Variants in KIFC3 observed in about 807,000 individuals in gnomAD.
KIFC3 encodes the protein kinesin-like protein KIFC3.
KIFC3 carries 60 observed loss-of-function variants against 101.8 expected under a neutral mutation model. That is an observed-to-expected ratio of 0.59 (90% CI 0.48 to 0.73). The LOEUF is 0.73. Among genes scored for constraint, KIFC3 ranks in the 30% least tolerant of loss-of-function variants. KIFC3 has a pLI of 0.00. For synonymous variants in KIFC3, 476 were observed against 482.7 expected, an observed-to-expected ratio of 0.99 and a Z score of 0.18; for missense variants, 966 against 1,137.1, an observed-to-expected ratio of 0.85 and a Z score of 2.16.
At chr16:57,775,179 A>G (rs2051881276) in intron 3 of KIFC3, 1 of 1,331,476 alleles carries the variant, frequency 7.5e-7, no homozygotes, top group Non-Finnish European at 9.6e-7. Flanking sequence ...AGGGGCACCC[A>G]AAAGGAAGTG....
intron 9 of KIFC3, among the ~76,000 whole-genome samples, chr16:57,768,273 G>T (rs1273413226): frequency 6.6e-6 from 1 of 152,142 alleles, no homozygotes; most frequent in African/African-American, 2.4e-5. Flanking sequence ...TTGAACCCGG[G>T]AGGTGGGGGT....
intron 1 of KIFC3, among the ~76,000 whole-genome samples, chr16:57,822,240 C>T (rs1433839696): frequency 6.6e-6 from 1 of 152,140 alleles, no homozygotes; most frequent in African/African-American, 2.4e-5. Flanking sequence ...CTCTCTGAGC[C>T]TGTTTCCTTC....
In KIFC3 at chr16:57,843,902, G is replaced by A. The variant is rs543176732; in HGVS notation, c.108+18827C>T. Among the ~76,000 whole-genome samples, 564 of 152,010 alleles carry A rather than the reference G, an allele frequency of 3.7e-3. 6 individuals carry two copies. Among genetic ancestry groups the A allele is most frequent in the Admixed American group, 8.6e-3 (131 of 15,244 alleles). On this transcript the variant is annotated intron_variant, in intron 1 of 2. Transcript: ENST00000563028. ...GTGGGCAGATCATTTGAGGTCAGGA[G>A]TTCCAGACCAGCCTGGCCAACATGG...
Position 57,802,083 on chromosome 16 carries a change from C to A in KIFC3, c.-40+287G>T, listed in dbSNP as rs782746175. Among the ~76,000 whole-genome samples, 1 of 152,232 alleles carries A rather than the reference C, an allele frequency of 6.6e-6. No individual in the cohort carries two copies. Among genetic ancestry groups the A allele is most frequent in the Non-Finnish European group, 1.5e-5 (1 of 68,024 alleles). ...AAGCCCATCCCGGGTAGGGTCTGCG[C>A]TCTTCTCGTTCAATAAAATCCAAAC... On this transcript the variant is annotated intron_variant, in intron 1 of 19. Transcript: ENST00000445690. This position sits in a 1 kb window ranked among gnomAD's most constrained non-coding sequence, Gnocchi z 5.0.
At chr16:57,860,828 T>G (rs1175013792) in intron 1 of KIFC3, among the ~76,000 whole-genome samples, 2 of 152,124 alleles carry the variant, frequency 1.3e-5, no homozygotes, top group Non-Finnish European at 2.9e-5. Context: ...TCCTTCCACT[T>G]TAGCCTCCCA....
intron 1 of KIFC3, chr16:57,862,640 A>G (rs1430826574): frequency 5.7e-6 from 2 of 349,684 alleles, no homozygotes; most frequent in Admixed American, 3.8e-5. Context: ...CTGTTTTTCA[A>G]AAAGATGTTG....
chr16:57,784,343 A>G (rs1239753300), intron 3 of KIFC3, among the ~76,000 whole-genome samples: 3 of 152,212 alleles, frequency 2.0e-5, no homozygotes, highest in African/African-American at 7.2e-5. Flanking sequence ...AGGAAGACAC[A>G]AAGCATGAGG....
At position 57,798,268 on chromosome 16, in the gene KIFC3, G is replaced by GGGGCACC; in HGVS notation, c.-32_-26dup. Reference sequence around the variant, plus strand: ...TGGCCTGGGGCTCAGCAGCCTCCTCGGGGCACCAGGCAGCCTGCGGAGAGA... The same window carrying GGGGCACC: ...TGGCCTGGGGCTCAGCAGCCTCCTCGGGGCACCGGGCACCAGGCAGCCTGCGGAGAGA... On this transcript the variant is annotated 5_prime_UTR_variant, in exon 2 of 20. Coordinates refer to ENST00000445690, the MANE Select transcript of KIFC3 (RefSeq NM_001130100.2). 1 of 1,550,444 alleles carries GGGGCACC rather than the reference G, an allele frequency of 6.4e-7. No individual in the cohort carries two copies.
chr16:57,764,089 C>A, intron 12 of KIFC3, 54 bp downstream of exon 12: 1 of 1,278,082 alleles, frequency 7.8e-7, no homozygotes, highest in Middle Eastern at 1.8e-4. Context: ...ATGAGGGAGC[C>A]CGCATTCCCT....
At chr16:57,847,717 T>C (rs2055963431) in intron 1 of KIFC3, among the ~76,000 whole-genome samples, 1 of 151,856 alleles carries the variant, frequency 6.6e-6, no homozygotes, top group South Asian at 2.1e-4. Context: ...GGCCTTATTG[T>C]TCAAGAATAT....
At chr16:57,770,402 C>T in intron 7 of KIFC3, 125 bp downstream of exon 7, 1 of 865,688 alleles carries the variant, frequency 1.2e-6, no homozygotes, top group Non-Finnish European at 1.6e-6. Flanking sequence ...GGTCCCGTGG[C>T]CATCGGGGAG....
At chr16:57,792,194 GC>G (rs2053933492) in intron 3 of KIFC3, among the ~76,000 whole-genome samples, 1 of 152,172 alleles carries the variant, frequency 6.6e-6, no homozygotes, top group Non-Finnish European at 1.5e-5. Context: ...GGAGTGGTGG[GC>G]CCTCTCGTGC....
intron 1 of KIFC3, among the ~76,000 whole-genome samples, chr16:57,835,806 C>T (rs1303709581): frequency 6.6e-6 from 1 of 152,092 alleles, no homozygotes; most frequent in Non-Finnish European, 1.5e-5. Flanking sequence ...AAAAATTAGC[C>T]AGATATGGTG....
chr16:57,834,067 T>C (rs1463935569), intron 1 of KIFC3, among the ~76,000 whole-genome samples: 1 of 152,030 alleles, frequency 6.6e-6, no homozygotes, highest in African/African-American at 2.4e-5. Flanking sequence ...TTTCACCGTG[T>C]TAGCCAGGAT....
chr16:57,781,933 C>T, intron 3 of KIFC3: 1 of 985,424 alleles, frequency 1.0e-6, no homozygotes, highest in Non-Finnish European at 1.2e-6. Context: ...TGGGGCCACA[C>T]AGCCTTGCAG....
Position 57,776,999 on chromosome 16 carries a change from C to T in KIFC3, c.316-4711G>A, listed in dbSNP as rs919012328. 3.9e-5 allele frequency: 6 copies of T among 152,206 alleles called. No individual in the cohort carries two copies. In the East Asian group the frequency reaches 5.8e-4, roughly 15 times the overall value. The allele number at this position is 152,206 out of a possible 1,614,324, so 9.4% of individuals were successfully genotyped here. ...GGGCAATTAGAACTAATAAATTCAGCAAAGTTGAAGGATACAAAATGAACA... is the reference window on the plus strand; with the variant it reads ...GGGCAATTAGAACTAATAAATTCAGTAAAGTTGAAGGATACAAAATGAACA... On this transcript the variant is annotated intron_variant, in intron 3 of 19. Coordinates refer to ENST00000445690, the MANE Select transcript of KIFC3 (RefSeq NM_001130100.2).
chr16:57,853,061 CA>C lies in KIFC3; in HGVS notation c.108+9667del, dbSNP rs11324927. Among the ~76,000 whole-genome samples, 914 of 152,090 alleles carry C rather than the reference CA, an allele frequency of 6.0e-3. 9 individuals are homozygous for C. The highest frequency in any genetic ancestry group is 0.021 in the African/African-American group (886 of 41,502). On this transcript the variant is annotated intron_variant, in intron 1 of 2. Coordinates refer to the KIFC3 transcript ENST00000563028. ...TGAAGACAAGGAAAAAATGTTAAAACAATTTTAAAATAAGAAATATAATCAA... is the reference window on the plus strand; with the variant it reads ...TGAAGACAAGGAAAAAATGTTAAAACATTTTAAAATAAGAAATATAATCAA...
At chr16:57,785,215 T>C (rs1238322615) in intron 3 of KIFC3, among the ~76,000 whole-genome samples, 2 of 152,054 alleles carry the variant, frequency 1.3e-5, no homozygotes, top group African/African-American at 4.8e-5. Context: ...CGCAAGGAGA[T>C]GGGGCACAAG....
chr16:57,785,687 G>C, intron 3 of KIFC3: 2 of 1,212,628 alleles, frequency 1.6e-6, no homozygotes, highest in South Asian at 1.4e-5. Flanking sequence ...AGTAGTGGCT[G>C]ATGAGAGGGC....
Sources: allele counts gnomAD v4.1 joint callset (sites outside exome capture counted in the v4.1 genomes callset), GRCh38; gene constraint gnomAD v4.1.1; non-coding constraint Gnocchi (gnomAD v3.1); transcripts MANE v1.5; gene names NCBI Gene and HGNC (gene_info 2026-07-23, HGNC 2026-07-21).